Variants in PALMD observed in about 807,000 individuals in gnomAD.
The protein encoded by PALMD is palmdelphin.
Under a neutral mutation model 56.2 loss-of-function variants are expected in PALMD, and 42 were observed. That is an observed-to-expected ratio of 0.75 (90% CI 0.58 to 0.97). The LOEUF (loss-of-function observed/expected upper bound fraction) is 0.97. PALMD is among the 50% of genes least tolerant of loss of function. The pLI, the probability that PALMD is intolerant of heterozygous loss-of-function variation, is 0.00. For missense variants in PALMD, 660 were observed against 643.8 expected (o/e 1.03, Z -0.27); for synonymous variants, 242 against 222.9 (o/e 1.09, Z -0.76).
chr1:99,677,391 C>G (rs1289515637), intron 3 of PALMD, among the ~76,000 whole-genome samples: 4 of 152,004 alleles, frequency 2.6e-5, no homozygotes, highest in Non-Finnish European at 5.9e-5. Context: ...AGGTTCATTT[C>G]TCTCACATAC....
At chr1:99,646,408 G>T in intron 1 of PALMD, 46 bp downstream of exon 1, 1 of 1,490,604 alleles carries the variant, frequency 6.7e-7, no homozygotes, top group Non-Finnish European at 9.4e-7. Flanking sequence ...TTACTTAGAG[G>T]AAGGCAGACC....
chr1:99,687,607 G>A (rs533830332), intron 6 of PALMD, among the ~76,000 whole-genome samples: 2 of 152,248 alleles, frequency 1.3e-5, no homozygotes, highest in Admixed American at 1.3e-4. Flanking sequence ...TAAAACTGAT[G>A]CTTCAAAGCT....
chr1:99,646,512 T>C (rs1652447929), intron 1 of PALMD, 150 bp downstream of exon 1: 5 of 655,916 alleles, frequency 7.6e-6, no homozygotes, highest in South Asian at 7.2e-5. Context: ...TTAACCCTCA[T>C]GACCCTCTGT....
chr1:99,669,523 T>C (rs1653040372), intron 3 of PALMD: 2 of 152,210 alleles, frequency 1.3e-5, no homozygotes, highest in South Asian at 4.1e-4. Context: ...TTAATCCCCG[T>C]AAACCTTTCC....
intron 7 of PALMD, among the ~76,000 whole-genome samples, chr1:99,690,390 T>G (rs1240360776): frequency 6.6e-6 from 1 of 151,820 alleles, no homozygotes; most frequent in Non-Finnish European, 1.5e-5. Context: ...TTTTCCTAAT[T>G]TTTCTACATT....
At position 99,683,134 on chromosome 1, in the gene PALMD, G is replaced by T. The variant is rs1226722096; in HGVS notation, c.252-3542G>T. 9 of 124,716 alleles carry T rather than the reference G, an allele frequency of 7.2e-5. 1 individual carries two copies. Among genetic ancestry groups the T allele is most frequent in the African/African-American group, 2.0e-4 (5 of 25,032 alleles). The allele number at this position is 124,716 out of a possible 1,614,324, so 7.7% of individuals were successfully genotyped here. A position where few individuals can be genotyped will look rare whatever the true frequency, so the allele number is the denominator to read the frequency against. ...AGAAAGAAAGAAAGAAAGAAAGAAAGAAAGAAAGAAAGAAAGAAAGAAAGA... is the reference window on the plus strand; with the variant it reads ...AGAAAGAAAGAAAGAAAGAAAGAAATAAAGAAAGAAAGAAAGAAAGAAAGA... On this transcript the variant is annotated intron_variant, in intron 3 of 7. Transcript: ENST00000263174.
At chr1:99,669,888 A>G (rs1012268709) in intron 3 of PALMD, 3 of 152,170 alleles carry the variant, frequency 2.0e-5, no homozygotes, top group African/African-American at 7.2e-5. Flanking sequence ...CACTTTACAT[A>G]TATTGTCCCA....
intron 2 of PALMD, among the ~76,000 whole-genome samples, chr1:99,664,056 G>T (rs926301418): frequency 6.6e-6 from 1 of 152,090 alleles, no homozygotes; most frequent in African/African-American, 2.4e-5. Flanking sequence ...TTTGCCAGTC[G>T]TGCACTCTGG....
At chr1:99,648,826 T>A (rs986854846) in intron 1 of PALMD, among the ~76,000 whole-genome samples, 6 of 131,966 alleles carry the variant, frequency 4.5e-5, no homozygotes, top group African/African-American at 1.7e-4. Context: ...ACTGAAAAAA[T>A]AAACGTATAT....
chr1:99,693,193 G>GT (rs1557677001), intron 7 of PALMD, among the ~76,000 whole-genome samples: 1 of 152,068 alleles, frequency 6.6e-6, no homozygotes, highest in Admixed American at 6.5e-5. Context: ...TACATAGCTT[G>GT]TTCTTGGGCC....
At chr1:99,676,388 C>G (rs191945028) in intron 3 of PALMD, among the ~76,000 whole-genome samples, 2 of 152,092 alleles carry the variant, frequency 1.3e-5, no homozygotes, top group Non-Finnish European at 2.9e-5. Context: ...TTTTGATACG[C>G]ACTTTTTAAA....
intron 3 of PALMD, among the ~76,000 whole-genome samples, chr1:99,670,354 C>T (rs114216632): frequency 3.3e-5 from 5 of 152,124 alleles, no homozygotes; most frequent in Admixed American, 2.6e-4. Flanking sequence ...GTATAATTTA[C>T]AAAGCACTTG....
At chr1:99,683,943 C>T (rs1653430580) in intron 3 of PALMD, 1 of 152,232 alleles carries the variant, frequency 6.6e-6, no homozygotes, top group Non-Finnish European at 1.5e-5. Context: ...TGTCTCTGCT[C>T]AAATGACACT....
At chr1:99,667,948 G>T in intron 3 of PALMD, 182 bp downstream of exon 3, 1 of 539,704 alleles carries the variant, frequency 1.9e-6, no homozygotes. Flanking sequence ...ACATGATCTC[G>T]GCTCACGGCA....
At chr1:99,646,449 G>A (rs938306711) in intron 1 of PALMD, 87 bp downstream of exon 1, 69 of 982,142 alleles carry the variant, frequency 7.0e-5, no homozygotes, top group Non-Finnish European at 1.0e-4. Context: ...CTGAGCCCTC[G>A]CAAGTGGAAA....
rs373351570 is a variant in PALMD, at chr1:99,689,208, C to A, written c.948C>A (p.Asn316Lys). Reference protein sequence around the residue: ...GNGLSEERGNNFNHISPIPPV... With the variant: ...GNGLSEERGNKFNHISPIPPV... ...GTCTTTCAGAGGAAAGGGGAAACAA[C>A]TTCAATCACATCAGTCCCATTCCGC... Residue 316 changes from asparagine to lysine, a missense_variant, in exon 7 of 8, where the codon AAC becomes AAA. Asn to Lys is a moderately conservative substitution (Grantham distance 94). Coordinates refer to ENST00000263174, the MANE Select transcript of PALMD (RefSeq NM_017734.5). The A allele has an allele frequency of 3.7e-6, 6 of 1,613,444 alleles. No homozygotes were observed. The highest frequency in any genetic ancestry group is 1.3e-5 in the African/African-American group (1 of 74,820).
chr1:99,693,431 T>C (rs559920334), intron 7 of PALMD, among the ~76,000 whole-genome samples: 1 of 152,342 alleles, frequency 6.6e-6, no homozygotes, highest in East Asian at 1.9e-4. Flanking sequence ...AGCAGAGGAA[T>C]ATATCCAAAA....
At position 99,681,384 on chromosome 1, in the gene PALMD, C is replaced by T. The variant is rs114515160; in HGVS notation, c.252-5292C>T. 3.2e-3 allele frequency among the ~76,000 whole-genome samples: 482 copies of T among 152,042 alleles called. 4 individuals are homozygous for T. Among genetic ancestry groups the T allele is most frequent in the African/African-American group, 0.011 (469 of 41,476 alleles). On this transcript the variant is annotated intron_variant, in intron 3 of 7. Transcript: ENST00000263174. ...AATTTTTTCTCTTCCCCAAAACTAC[C>T]TTTGGGAAGGGATTAGGAATGAGTC... is the stretch of plus-strand genomic sequence containing the variant.
chr1:99,654,242 CA>C (rs1238096287), intron 1 of PALMD, among the ~76,000 whole-genome samples: 3 of 151,732 alleles, frequency 2.0e-5, no homozygotes, highest in Admixed American at 2.0e-4. Flanking sequence ...GCCAGATACA[CA>C]ATGAATATAT....
Sources: allele counts gnomAD v4.1 joint callset (sites outside exome capture counted in the v4.1 genomes callset), GRCh38; gene constraint gnomAD v4.1.1; transcripts MANE v1.5; gene names NCBI Gene and HGNC (gene_info 2026-07-23, HGNC 2026-07-21).